The following POU6F1 variants were observed in gnomAD, a reference collection of about 807,000 sequenced individuals.
POU6F1 encodes the protein POU domain, class 6, transcription factor 1.
In POU6F1, 9 loss-of-function variants were observed where a neutral mutation model predicts 28.9. That is an observed-to-expected ratio of 0.31 (90% CI 0.19 to 0.54). The LOEUF (loss-of-function observed/expected upper bound fraction) is 0.54. POU6F1 is among the 20% of genes least tolerant of loss of function. The probability of loss-of-function intolerance (pLI) is 0.94; values close to 1 mark genes in which losing one functional copy is unlikely to be tolerated. For synonymous variants in POU6F1, 173 were observed against 171.1 expected (o/e 1.01, Z -0.09); for missense variants, 338 against 426.1 (o/e 0.79, Z 1.82).
chr12:51,196,900 T>A lies in POU6F1; in HGVS notation c.874A>T (p.Thr292Ser). Residue 292 changes from threonine to serine, a missense_variant, in exon 7 of 11, where the codon ACC (threonine) becomes TCC (serine). Physicochemically the swap from Thr to Ser is moderately conservative, Grantham distance 58. Coordinates refer to ENST00000333640, the MANE Select transcript of POU6F1 (RefSeq NM_001330422.2). ...IISAASLGGQ[T>S]QILGSLTTAP... The stretch of plus-strand genomic sequence containing the variant: ...GTAGTGAGGGACCCCAGGATCTGGG[T>A]CTGTCCCCCGAGGGAAGCAGCACTG... 6.2e-7 allele frequency: 1 copy of A among 1,607,854 alleles called. No homozygotes were observed. Among genetic ancestry groups the A allele is most frequent in the East Asian group, 2.2e-5 (1 of 44,842 alleles).
At chr12:51,192,604 C>T in intron 8 of POU6F1, 133 bp from the exon 9 acceptor site, 1 of 1,212,698 alleles carries the variant, frequency 8.2e-7, no homozygotes, top group Non-Finnish European at 1.1e-6. Flanking sequence ...CGCCTGGGCT[C>T]TATCATAAAA....
intron 1 of POU6F1, among the ~76,000 whole-genome samples, chr12:51,213,437 C>G (rs1186702844): frequency 6.6e-6 from 1 of 152,104 alleles, no homozygotes; most frequent in Admixed American, 6.6e-5. Flanking sequence ...TGGTTTCCAA[C>G]TCCTGGGCTC....
intron 1 of POU6F1, among the ~76,000 whole-genome samples, chr12:51,208,010 C>T (rs1291862873): frequency 3.3e-5 from 5 of 151,960 alleles, no homozygotes; most frequent in African/African-American, 7.3e-5. Flanking sequence ...CAGAGGCTCA[C>T]GCCTGTAATC....
At chr12:51,200,692 AT>A in intron 3 of POU6F1, among the ~76,000 whole-genome samples, 1 of 152,086 alleles carries the variant, frequency 6.6e-6, no homozygotes, top group Admixed American at 6.6e-5. Context: ...TTTTATTTTA[AT>A]TTAATTTTTT....
Position 51,195,954 on chromosome 12 carries a change from C to A in POU6F1, c.1179+16G>T, listed in dbSNP as rs536843290. ...GCAGAGCCTGCCCCACCCCCCACCCCCCCCAGCCCCTGTACCTCACTCTTA... is the reference window on the plus strand; with the variant it reads ...GCAGAGCCTGCCCCACCCCCCACCCACCCCAGCCCCTGTACCTCACTCTTA... On this transcript the variant is annotated intron_variant, in intron 8 of 10. Coordinates refer to ENST00000333640, the MANE Select transcript of POU6F1 (RefSeq NM_001330422.2). The A allele has an allele frequency of 1.2e-5, 17 of 1,471,338 alleles. No homozygotes were observed. Among genetic ancestry groups the A allele is most frequent in the Middle Eastern group, 2.4e-4 (1 of 4,228 alleles). The allele number at this position is 1,471,338 out of a possible 1,614,324, so 91.1% of individuals were successfully genotyped here.
intron 6 of POU6F1, among the ~76,000 whole-genome samples, 172 bp downstream of exon 6, chr12:51,197,598 C>T (rs953203065): frequency 6.6e-6 from 1 of 152,110 alleles, no homozygotes; most frequent in Non-Finnish European, 1.5e-5. Flanking sequence ...CTGGGATGGA[C>T]GGGCTGGCAG....
In POU6F1 at chr12:51,190,617, G is replaced by A. The variant is rs747261467; in HGVS notation, c.1491-25C>T. The A allele has an allele frequency of 1.9e-6, 3 of 1,604,888 alleles. No homozygotes were observed. The highest frequency in any genetic ancestry group is 1.3e-5 in the African/African-American group (1 of 74,572). Reference sequence around the variant, plus strand: ...CCTGTGGGCAACCCATACCCAGGAAGAGGCAGTGAGAGCATGTTGGTCTCT... The same window carrying A: ...CCTGTGGGCAACCCATACCCAGGAAAAGGCAGTGAGAGCATGTTGGTCTCT... On this transcript the variant is annotated intron_variant, in intron 10 of 10. Coordinates refer to ENST00000333640, the MANE Select transcript of POU6F1 (RefSeq NM_001330422.2). This position sits in a 1 kb window ranked among gnomAD's most constrained non-coding sequence, Gnocchi z 4.5.
At position 51,196,825 on chromosome 12, in the gene POU6F1, G is replaced by T; in HGVS notation, c.949C>A (p.Gln317Lys). The change falls in exon 7 of 11, where the codon CAG becomes AAG. Residue 317 changes from glutamine to lysine, a missense_variant. By Grantham distance (53) the Gln-to-Lys change is moderately conservative (BLOSUM62 1). This residue lies in a region of POU6F1 where 206 missense variants were observed against 225.6 expected (regional missense o/e 0.91). Coordinates refer to ENST00000333640, the MANE Select transcript of POU6F1 (RefSeq NM_001330422.2). ...TGTCCCTGAGCATTGGTGAGGATCT[G>T]ACTGCTGATCCCTGGCATGCTGGGA... ...AIPSMPGISSQILTNAQGQVI... is the reference protein window; with the variant it reads ...AIPSMPGISSKILTNAQGQVI... 1 of 1,614,050 alleles carries T rather than the reference G, an allele frequency of 6.2e-7. No individual in the cohort carries two copies. The highest frequency in any genetic ancestry group is 1.1e-5 in the South Asian group (1 of 91,074).
At position 51,187,346 on chromosome 12, in the gene POU6F1, T is replaced by C. The variant is rs1462475506; in HGVS notation, c.*2901A>G. On this transcript the variant is annotated 3_prime_UTR_variant, in exon 11 of 11. Coordinates refer to ENST00000333640, the MANE Select transcript of POU6F1 (RefSeq NM_001330422.2). Reference sequence around the variant, plus strand: ...CCATTTCTGTCCATTCTCCTCTCTTTCCATAGTAAAGACGACACTAAGCTC... The same window carrying C: ...CCATTTCTGTCCATTCTCCTCTCTTCCCATAGTAAAGACGACACTAAGCTC... The C allele has an allele frequency of 6.6e-6, 1 of 152,192 alleles. No individual in the cohort carries two copies. The highest frequency in any genetic ancestry group is 1.9e-4 in the East Asian group (1 of 5,200). 9.4% of individuals were successfully genotyped at this position (152,192 alleles called of 1,614,324 possible). A position where few individuals can be genotyped will look rare whatever the true frequency, so the allele number is the denominator to read the frequency against.
chr12:51,195,655 C>T (rs1304676274), intron 8 of POU6F1, among the ~76,000 whole-genome samples: 1 of 152,072 alleles, frequency 6.6e-6, no homozygotes, highest in Non-Finnish European at 1.5e-5. Flanking sequence ...GTTTGTTCAC[C>T]CTAAAGCTGA....
At chr12:51,197,729 C>T (rs138799784) in intron 6 of POU6F1, 41 bp downstream of exon 6, 283 of 399,410 alleles carry the variant, frequency 7.1e-4, no homozygotes, top group African/African-American at 5.1e-3. Context: ...CCCATGATTC[C>T]GTCCATCCCT....
chr12:51,208,961 T>C (rs1220052999), intron 1 of POU6F1, among the ~76,000 whole-genome samples: 1 of 152,134 alleles, frequency 6.6e-6, no homozygotes, highest in Non-Finnish European at 1.5e-5. Context: ...CCCTTTCGAC[T>C]ATGTGAGGAC....
At position 51,190,721 on chromosome 12, in the gene POU6F1, G is replaced by A; in HGVS notation, c.1491-129C>T. The A allele has an allele frequency of 7.2e-7, 1 of 1,387,290 alleles. No individual in the cohort carries two copies. The highest frequency in any genetic ancestry group is 9.6e-7 in the Non-Finnish European group (1 of 1,042,732). 85.9% of individuals were successfully genotyped at this position (1,387,290 alleles called of 1,614,324 possible). A position where few individuals can be genotyped will look rare whatever the true frequency, so the allele number is the denominator to read the frequency against. ...AGGGGCTGGTGAGACTGTACCCAGT[G>A]CTCCCCTCACCACCTCCACCAAGAC... On this transcript the variant is annotated intron_variant, in intron 10 of 10. Coordinates refer to ENST00000333640, the MANE Select transcript of POU6F1 (RefSeq NM_001330422.2). This position sits in a 1 kb window ranked among gnomAD's most constrained non-coding sequence, Gnocchi z 4.5.
At chr12:51,204,035 C>T in intron 3 of POU6F1, 138 bp downstream of exon 3, 1 of 397,640 alleles carries the variant, frequency 2.5e-6, no homozygotes, top group Non-Finnish European at 4.4e-6. Context: ...TGACCAGAGG[C>T]ACAGGCTGTC....
chr12:51,204,436 G>A (rs1943436556), intron 2 of POU6F1, 68 bp from the exon 3 acceptor site: 1 of 398,638 alleles, frequency 2.5e-6, no homozygotes, highest in Non-Finnish European at 4.4e-6. Flanking sequence ...AAAGCTCTGG[G>A]TATGGTTTGG....
chr12:51,208,462 G>A (rs1943772521), intron 1 of POU6F1, among the ~76,000 whole-genome samples: 1 of 152,138 alleles, frequency 6.6e-6, no homozygotes, highest in African/African-American at 2.4e-5. Context: ...GGGGGCGTGG[G>A]GAATGGGAGG....
rs1942347827 is a variant in POU6F1 at position 51,190,712 on chromosome 12, G to A, written c.1491-120C>T. Reference sequence around the variant, plus strand: ...CGCTCCTCTAGGGGCTGGTGAGACTGTACCCAGTGCTCCCCTCACCACCTC... The same window carrying A: ...CGCTCCTCTAGGGGCTGGTGAGACTATACCCAGTGCTCCCCTCACCACCTC... On this transcript the variant is annotated intron_variant, in intron 10 of 10. Transcript: ENST00000333640. The surrounding 1 kb of genome is among the most constrained non-coding windows in gnomAD (Gnocchi z 4.5). The A allele has an allele frequency of 4.9e-6, 7 of 1,436,358 alleles. No individual in the cohort carries two copies. In the African/African-American group the frequency reaches 7.1e-5, roughly 15 times the overall value. The allele number at this position is 1,436,358 out of a possible 1,614,324, so 89.0% of individuals were successfully genotyped here. A position where few individuals can be genotyped will look rare whatever the true frequency, so the allele number is the denominator to read the frequency against.
rs771419285 is a variant in POU6F1 at position 51,190,391 on chromosome 12, C to T, written c.1692G>A (p.Glu564=). 1.2e-6 allele frequency: 2 copies of T among 1,614,150 alleles called. No homozygotes were observed. The highest frequency in any genetic ancestry group is 2.2e-5 in the South Asian group (2 of 91,078). Residue 564 remains glutamate (E), a synonymous_variant, in exon 11 of 11, where the codon GAG becomes GAA. Transcript: ENST00000333640. The surrounding 1 kb of genome is among the most constrained non-coding windows in gnomAD (Gnocchi z 4.5). The stretch of plus-strand genomic sequence containing the variant: ...CCTGGCCTGTGGGCAGTGGGTTCTT[C>T]TCAAAATAGGCATTGAGAGCCTCTA... The part of the protein sequence containing the change: ...QAIEALNAYF[E]KNPLPTGQEI...
At chr12:51,193,094 C>G (rs974542970) in intron 8 of POU6F1, among the ~76,000 whole-genome samples, 4 of 152,204 alleles carry the variant, frequency 2.6e-5, no homozygotes, top group Non-Finnish European at 5.9e-5. Context: ...AGTGCTCACC[C>G]TTGGGATAAC....
Sources: allele counts gnomAD v4.1 joint callset (sites outside exome capture counted in the v4.1 genomes callset), GRCh38; gene constraint gnomAD v4.1.1; regional missense constraint gnomAD v4.1.1; non-coding constraint Gnocchi (gnomAD v3.1); transcripts MANE v1.5; gene names NCBI Gene and HGNC (gene_info 2026-07-23, HGNC 2026-07-21).